The following MRTO4 variants were observed in gnomAD, a reference collection of about 807,000 sequenced individuals.
The protein encoded by MRTO4 is MRT4 homolog, ribosome maturation factor.
MRTO4 carries 7 observed loss-of-function variants against 28.6 expected under a neutral mutation model. That is an observed-to-expected ratio of 0.24 (90% confidence interval 0.14 to 0.46). MRTO4 has a LOEUF of 0.46. MRTO4 is among the 20% of genes least tolerant of loss of function. The probability of loss-of-function intolerance (pLI) is 0.99; values close to 1 mark genes in which losing one functional copy is unlikely to be tolerated. For missense variants in MRTO4, 302 were observed against 298.3 expected (o/e 1.01, Z -0.09); for synonymous variants, 113 against 108.2 (o/e 1.04, Z -0.27).
At position 19,258,726 on chromosome 1, in the gene MRTO4, T is replaced by C. The variant is rs150343927; in HGVS notation, c.616T>C (p.Tyr206His). Reference protein sequence around the residue: ...EMAEFKVTIKYMWDSQSGRFQ... With the variant: ...EMAEFKVTIKHMWDSQSGRFQ... ...GGCTGAATTCAAGGTGACCATCAAA[T>C]ACATGTGGGATTCACAGTCGGGAAG... Residue 206 changes from tyrosine (Y) to histidine (H), a missense_variant, in exon 8 of 8, where the codon TAC becomes CAC. Physicochemically the swap from Tyr to His is moderately conservative, Grantham distance 83 (BLOSUM62 2). Coordinates refer to ENST00000330263, the MANE Select transcript of MRTO4 (RefSeq NM_016183.4). The C allele has an allele frequency of 1.9e-6, 3 of 1,614,210 alleles. No homozygotes were observed. The highest frequency in any genetic ancestry group is 4.5e-5 in the East Asian group (2 of 44,882).
chr1:19,258,671 T>C lies in MRTO4; in HGVS notation c.571-10T>C. ...TCCTCCTGATTCTTTGTTCCCTTTG[T>C]CTCTTGCAGAAGCTTTTTGGGTATG... On this transcript the variant is annotated splice_polypyrimidine_tract_variant and intron_variant, in intron 7 of 7. Transcript: ENST00000330263. The C allele has an allele frequency of 6.2e-7, 1 of 1,614,170 alleles. No individual in the cohort carries two copies. Among genetic ancestry groups the C allele is most frequent in the South Asian group, 1.1e-5 (1 of 91,086 alleles).
intron 2 of MRTO4, among the ~76,000 whole-genome samples, chr1:19,255,499 G>A (rs1447019328): frequency 6.6e-6 from 1 of 152,060 alleles, no homozygotes; most frequent in Admixed American, 6.5e-5. Context: ...CTGGGCTGCA[G>A]GCTGGGTGAA....
In MRTO4 at chr1:19,255,941, C is replaced by G. The variant is rs754194236; in HGVS notation, c.88-7C>G. On this transcript the variant is annotated splice_polypyrimidine_tract_variant and splice_region_variant and intron_variant, in intron 2 of 7. Transcript: ENST00000330263. ...TTGAACTCAGAGCCTCGTGAATTGT[C>G]CCACAGCTTCGGAAATGTGTGGACA... 1 of 1,613,006 alleles carries G rather than the reference C, an allele frequency of 6.2e-7. No homozygotes were observed. Among genetic ancestry groups the G allele is most frequent in the South Asian group, 1.1e-5 (1 of 91,036 alleles).
chr1:19,251,970 A>G (rs1051335954), intron 1 of MRTO4, 107 bp downstream of exon 1: 52 of 1,437,394 alleles, frequency 3.6e-5, no homozygotes, highest in Non-Finnish European at 4.8e-5. Flanking sequence ...ACGCCAGGAC[A>G]TCCTCGAGGT....
At chr1:19,258,175 T>C (rs1166612128) in intron 6 of MRTO4, among the ~76,000 whole-genome samples, 191 bp downstream of exon 6, 1 of 152,010 alleles carries the variant, frequency 6.6e-6, no homozygotes, top group Non-Finnish European at 1.5e-5. Context: ...ATGCAGCCCT[T>C]GAGGCCCATC....
intron 1 of MRTO4, 149 bp downstream of exon 1, chr1:19,252,012 G>A: frequency 4.3e-6 from 5 of 1,175,270 alleles, no homozygotes; most frequent in Non-Finnish European, 5.9e-6. Flanking sequence ...CTGGAATGGG[G>A]GCTTCGGGGC....
intron 1 of MRTO4, among the ~76,000 whole-genome samples, chr1:19,253,991 G>A (rs1383232376): frequency 6.6e-6 from 1 of 152,114 alleles, no homozygotes; most frequent in Admixed American, 6.6e-5. Context: ...TTGCAATACT[G>A]GGGTGCAGAT....
chr1:19,257,561 G>A lies in MRTO4; in HGVS notation c.341+40G>A. The A allele has an allele frequency of 3.1e-6, 5 of 1,609,890 alleles. No individual in the cohort carries two copies. In the South Asian group the frequency reaches 3.3e-5, roughly 11 times the overall value. ...GGAACGGAGGGAAAGAGGCGGGTGA[G>A]AGGGGATTTCAGGGAGGGAATGATG... On this transcript the variant is annotated intron_variant, in intron 5 of 7. Coordinates refer to ENST00000330263, the MANE Select transcript of MRTO4 (RefSeq NM_016183.4).
chr1:19,258,728 C>T lies in MRTO4; in HGVS notation c.618C>T (p.Tyr206=), dbSNP rs760866645. ...EMAEFKVTIK[Y]MWDSQSGRFQ... ...CTGAATTCAAGGTGACCATCAAATA[C>T]ATGTGGGATTCACAGTCGGGAAGGT... Residue 206 remains tyrosine (Y), a synonymous_variant, in exon 8 of 8, where the codon TAC becomes TAT. Transcript: ENST00000330263. 6.2e-6 allele frequency: 10 copies of T among 1,614,184 alleles called. No homozygotes were observed. The South Asian group carries it at 9.9e-5, about 16-fold the overall frequency.
In MRTO4 at chr1:19,252,018, G is replaced by C. The variant is rs558439145; in HGVS notation, c.28+155G>C. ...CGCTGCGAGCTGGAATGGGGGCTTCGGGGCTGTAAAACCGCCAGAGGTGGC... is the reference window on the plus strand; with the variant it reads ...CGCTGCGAGCTGGAATGGGGGCTTCCGGGCTGTAAAACCGCCAGAGGTGGC... On this transcript the variant is annotated intron_variant, in intron 1 of 7. Coordinates refer to ENST00000330263, the MANE Select transcript of MRTO4 (RefSeq NM_016183.4). 4.5e-5 allele frequency: 52 copies of C among 1,148,712 alleles called. No homozygotes were observed. In the East Asian group the frequency reaches 1.3e-3, roughly 29 times the overall value. 71.2% of individuals were successfully genotyped at this position (1,148,712 alleles called of 1,614,324 possible).
At chr1:19,251,961 C>T (rs540042810) in intron 1 of MRTO4, 98 bp downstream of exon 1, 64 of 1,478,396 alleles carry the variant, frequency 4.3e-5, no homozygotes, top group Non-Finnish European at 5.6e-5. Context: ...CAGATTGGAA[C>T]GCCAGGACAT....
chr1:19,258,065 G>T, intron 6 of MRTO4, 81 bp downstream of exon 6: 1 of 1,509,126 alleles, frequency 6.6e-7, no homozygotes. Context: ...TTCTAGCTGA[G>T]CAAGTTATTT....
intron 1 of MRTO4, among the ~76,000 whole-genome samples, chr1:19,253,531 T>C (rs956334987): frequency 6.6e-6 from 1 of 152,114 alleles, no homozygotes; most frequent in Admixed American, 6.6e-5. Flanking sequence ...TCTGGTTGCC[T>C]TGGTGAGAAT....
chr1:19,254,796 A>T lies in MRTO4; in HGVS notation c.43A>T (p.Thr15Ser). The T allele has an allele frequency of 6.2e-7, 1 of 1,612,326 alleles. No homozygotes were observed. Among genetic ancestry groups the T allele is most frequent in the African/African-American group, 1.3e-5 (1 of 74,840 alleles). Residue 15 changes from threonine to serine, a missense_variant, in exon 2 of 8, where the codon ACT (threonine) becomes TCT (serine). Coordinates refer to ENST00000330263, the MANE Select transcript of MRTO4 (RefSeq NM_016183.4). The stretch of plus-strand genomic sequence containing the variant: ...GTTTTTATTAGTCTCCTTAACCAAA[A>T]CTGCCAAGAAAGGCTTGGAATTGAA... The part of the protein sequence containing the change: ...KRDKKVSLTK[T>S]AKKGLELKQN...
At position 19,251,827 on chromosome 1, in the gene MRTO4, T is replaced by C. The variant is rs372211489; in HGVS notation, c.-9T>C. On this transcript the variant is annotated 5_prime_UTR_variant, in exon 1 of 8. Transcript: ENST00000330263. The stretch of plus-strand genomic sequence containing the variant: ...TGCACCGTCTTCCGCCGCACGTGGA[T>C]TCAGCGCGATGCCCAAATCCAAGCG... 109 of 1,578,062 alleles carry C rather than the reference T, an allele frequency of 6.9e-5. 1 individual carries two copies. The African/African-American group carries it at 1.4e-3, about 20-fold the overall frequency.
chr1:19,257,574 G>A, intron 5 of MRTO4, 53 bp downstream of exon 5: 1 of 1,602,288 alleles, frequency 6.2e-7, no homozygotes, highest in Non-Finnish European at 8.5e-7. Context: ...GGGATTTCAG[G>A]GAGGGAATGA....
At chr1:19,256,200 G>C (rs1461563816) in intron 3 of MRTO4, 149 bp downstream of exon 3, 1 of 678,042 alleles carries the variant, frequency 1.5e-6, no homozygotes, top group Non-Finnish European at 2.6e-6. Context: ...TGCCACTGAA[G>C]AGCACTTCCT....
rs2093675904 is a variant in MRTO4, at chr1:19,258,897, GC to G, written c.*71del. ...TCACTGGACCATCAGGACTGCTGCC[GC>G]CCCTCTGGAGAGAGCAGCTTTTTAT... is the stretch of plus-strand genomic sequence containing the variant. On this transcript the variant is annotated 3_prime_UTR_variant, in exon 8 of 8. Coordinates refer to ENST00000330263, the MANE Select transcript of MRTO4 (RefSeq NM_016183.4). The G allele has an allele frequency of 6.5e-7, 1 of 1,539,250 alleles. No homozygotes were observed. Among genetic ancestry groups the G allele is most frequent in the Non-Finnish European group, 8.8e-7 (1 of 1,138,224 alleles).
intron 2 of MRTO4, 83 bp from the exon 3 acceptor site, chr1:19,255,865 G>A (rs1421531257): frequency 1.7e-6 from 2 of 1,163,764 alleles, no homozygotes; most frequent in Middle Eastern, 1.9e-4. Flanking sequence ...GGGGCCCAGA[G>A]CAGATTCATT....
Sources: allele counts gnomAD v4.1 joint callset (sites outside exome capture counted in the v4.1 genomes callset), GRCh38; gene constraint gnomAD v4.1.1; transcripts MANE v1.5; gene names NCBI Gene and HGNC (gene_info 2026-07-23, HGNC 2026-07-21).